The following PRKAR1B variants were observed in gnomAD, a reference collection of about 807,000 sequenced individuals.
PRKAR1B encodes cAMP-dependent protein kinase type I-beta regulatory subunit.
In PRKAR1B, 22 loss-of-function variants were observed where a neutral mutation model predicts 46.5. The ratio of observed to expected loss-of-function variants is 0.47; its 90% CI spans 0.34 to 0.68. The LOEUF (loss-of-function observed/expected upper bound fraction) is 0.68. Among genes scored for constraint, PRKAR1B ranks in the 30% least tolerant of loss-of-function variants. PRKAR1B has a pLI of 0.01. For synonymous variants in PRKAR1B, 259 were observed against 217.7 expected (o/e 1.19, Z -1.67); for missense variants, 445 against 535.6 (o/e 0.83, Z 1.67).
intron 1 of PRKAR1B, among the ~76,000 whole-genome samples, chr7:713,768 G>A (rs1329679984): frequency 6.6e-5 from 10 of 152,178 alleles, no homozygotes; most frequent in Admixed American, 2.6e-4. Context: ...CAGCCCTGCC[G>A]AGCACATTCC....
At chr7:633,313 G>A (rs1200211938) in intron 4 of PRKAR1B, among the ~76,000 whole-genome samples, 1 of 152,128 alleles carries the variant, frequency 6.6e-6, no homozygotes, top group Non-Finnish European at 1.5e-5. Context: ...TAGGCAAATC[G>A]ACACAGAAAA....
chr7:583,360 C>G (rs9330370), intron 8 of PRKAR1B, among the ~76,000 whole-genome samples: 1 of 129,318 alleles, frequency 7.7e-6, no homozygotes, highest in East Asian at 2.2e-4. Flanking sequence ...CACACACAGG[C>G]GCACACACCC....
chr7:716,034 T>TA (rs200263795), intron 1 of PRKAR1B, among the ~76,000 whole-genome samples: 5,510 of 90,342 alleles, frequency 0.061, 147 homozygotes, highest in Non-Finnish European at 0.08. Context: ...TCTTTATATA[T>TA]TTTTTTTTTT....
chr7:642,006 G>GA (rs1250291400), intron 4 of PRKAR1B, among the ~76,000 whole-genome samples: 1 of 151,978 alleles, frequency 6.6e-6, no homozygotes, highest in African/African-American at 2.4e-5. Flanking sequence ...GGGTTCAAGG[G>GA]ATCCGCCCTC....
At chr7:697,444 C>T (rs898080693) in intron 2 of PRKAR1B, among the ~76,000 whole-genome samples, 14 of 152,282 alleles carry the variant, frequency 9.2e-5, no homozygotes, top group African/African-American at 1.7e-4. Context: ...TGATCCACCC[C>T]GCCTGATGCC....
At chr7:721,384 C>T (rs1217383642) in intron 1 of PRKAR1B, among the ~76,000 whole-genome samples, 3 of 152,312 alleles carry the variant, frequency 2.0e-5, no homozygotes, top group South Asian at 2.1e-4. Flanking sequence ...CGGTGGCTCA[C>T]GCCTGTAATC....
chr7:584,330 AGT>A (rs964793921), intron 8 of PRKAR1B, among the ~76,000 whole-genome samples, 176 bp downstream of exon 8: 1 of 152,222 alleles, frequency 6.6e-6, no homozygotes, highest in African/African-American at 2.4e-5. Context: ...AACAAGTGAC[AGT>A]GTGTGTCATC....
intron 7 of PRKAR1B, among the ~76,000 whole-genome samples, chr7:586,273 C>T (rs536516327): frequency 6.6e-6 from 1 of 152,214 alleles, no homozygotes; most frequent in East Asian, 1.9e-4. Flanking sequence ...GATCCTCACT[C>T]GCCTCCTGGT....
intron 10 of PRKAR1B, 92 bp downstream of exon 10, chr7:551,297 C>T: frequency 1.6e-6 from 2 of 1,241,300 alleles, no homozygotes; most frequent in Non-Finnish European, 1.1e-6. Context: ...CCCAGGGAAG[C>T]CCCCCAGCAG....
chr7:577,098 C>A (rs1779894893), intron 9 of PRKAR1B, among the ~76,000 whole-genome samples: 1 of 151,836 alleles, frequency 6.6e-6, no homozygotes, highest in African/African-American at 2.4e-5. Flanking sequence ...CCAACTCCAT[C>A]AACGGCCTCG....
Position 666,066 on chromosome 7 carries a change from A to G in PRKAR1B, c.440+11163T>C, listed in dbSNP as rs563408056. ...TAATGAGGTCCCCGCCGGAGGCCCA[A>G]CGCACAACACAAACACGCACGGTGC... On this transcript the variant is annotated intron_variant, in intron 4 of 10. Coordinates refer to ENST00000537384, the MANE Select transcript of PRKAR1B (RefSeq NM_001164760.2). The surrounding 1 kb of genome is among the most constrained non-coding windows in gnomAD (Gnocchi z 4.9). 1.2e-4 allele frequency among the ~76,000 whole-genome samples: 18 copies of G among 152,310 alleles called. No individual in the cohort carries two copies. The highest frequency in any genetic ancestry group is 2.2e-4 in the Non-Finnish European group (15 of 68,022).
chr7:726,798 G>A lies in PRKAR1B; in HGVS notation c.-23+412C>T, dbSNP rs1583467478. The A allele has an allele frequency of 7.7e-7, 1 of 1,302,032 alleles. No homozygotes were observed. The highest frequency in any genetic ancestry group is 2.3e-5 in the South Asian group (1 of 43,242). The allele number at this position is 1,302,032 out of a possible 1,614,324, so 80.7% of individuals were successfully genotyped here. ...GGGCCGAGACGGCTGAGGCGGTGGA[G>A]CTGAGCCGCGCCCTGAGCCGCCTGC... On this transcript the variant is annotated intron_variant, in intron 1 of 10. Coordinates refer to ENST00000537384, the MANE Select transcript of PRKAR1B (RefSeq NM_001164760.2).
intron 9 of PRKAR1B, among the ~76,000 whole-genome samples, chr7:561,115 CCACACACAGG>C (rs1778761451): frequency 6.6e-6 from 1 of 151,390 alleles, no homozygotes; most frequent in Admixed American, 6.6e-5. Context: ...CACACACACC[CCACACACAGG>C]CACACAAACA....
At chr7:606,331 CAG>C in intron 5 of PRKAR1B, 92 bp from the exon 6 acceptor site, 1 of 1,166,250 alleles carries the variant, frequency 8.6e-7, no homozygotes, top group Non-Finnish European at 1.3e-6. Context: ...AACACTGTTG[CAG>C]AGACCCTCGA....
intron 9 of PRKAR1B, among the ~76,000 whole-genome samples, chr7:552,747 C>T (rs577419618): frequency 9.8e-5 from 15 of 152,308 alleles, no homozygotes; most frequent in African/African-American, 3.6e-4. Context: ...CCCTGGGGGT[C>T]GGTATCTTTG....
intron 4 of PRKAR1B, among the ~76,000 whole-genome samples, chr7:623,014 G>A (rs1227544919): frequency 2.0e-5 from 3 of 152,174 alleles, no homozygotes; most frequent in Non-Finnish European, 4.4e-5. Flanking sequence ...CCCTTGGGCA[G>A]ACCCTGGGTG....
rs1345187534 is a variant in PRKAR1B, at chr7:588,555, ATGG to A, written c.709-3990_709-3988del. ...GGTGGTGATGGTGGTGACGGTGGTGATGGTGGTGATGTTGGTGAGGATAGTGAC... is the reference window on the plus strand; with the variant it reads ...GGTGGTGATGGTGGTGACGGTGGTGATGGTGATGTTGGTGAGGATAGTGAC... On this transcript the variant is annotated intron_variant, in intron 7 of 10. Transcript: ENST00000537384. Among the ~76,000 whole-genome samples, 49 of 105,266 alleles carry A rather than the reference ATGG, an allele frequency of 4.7e-4. 2 individuals carry two copies. Among genetic ancestry groups the A allele is most frequent in the Admixed American group, 1.0e-3 (11 of 10,772 alleles). 69.1% of individuals were successfully genotyped at this position (105,266 alleles called of 152,430 possible). A position where few individuals can be genotyped will look rare whatever the true frequency, so the allele number is the denominator to read the frequency against.
chr7:619,578 C>A (rs774559279), intron 4 of PRKAR1B, among the ~76,000 whole-genome samples: 4 of 152,192 alleles, frequency 2.6e-5, no homozygotes, highest in Non-Finnish European at 5.9e-5. Flanking sequence ...GAGTCCTTGT[C>A]TTAACCACTG....
At chr7:554,307 CCG>C (rs1325712886) in intron 9 of PRKAR1B, among the ~76,000 whole-genome samples, 1 of 152,270 alleles carries the variant, frequency 6.6e-6, no homozygotes, top group Non-Finnish European at 1.5e-5. Context: ...CACAGGAGAG[CCG>C]CTGTGAGCGG....
Sources: gnomAD v4.1 joint callset for allele counts (sites outside exome capture counted in the v4.1 genomes callset) on GRCh38, gnomAD v4.1.1 for gene constraint, Gnocchi (gnomAD v3.1) non-coding constraint, MANE v1.5 for transcripts, NCBI Gene and HGNC (gene_info 2026-07-23, HGNC 2026-07-21) for gene names.